The following GALNT16 variants were observed in gnomAD, a reference collection of about 807,000 sequenced individuals.
The protein encoded by GALNT16 is UDP-GalNAc:polypeptide N-acetylgalactosaminyltransferase-like protein 1.
Under a neutral mutation model 76.1 loss-of-function variants are expected in GALNT16, and 40 were observed. That is an observed-to-expected ratio of 0.53 (90% CI 0.41 to 0.68). The LOEUF (loss-of-function observed/expected upper bound fraction) is 0.68, where lower values mean the gene tolerates loss of function less well. Ranked by LOEUF, GALNT16 falls within the 30% of genes least tolerant of loss-of-function variation. GALNT16 has a pLI of 0.00. For missense variants in GALNT16, 621 were observed against 731.9 expected (o/e 0.85, Z 1.75); for synonymous variants, 276 against 285.2 (o/e 0.97, Z 0.32).
chr14:69,304,440 T>C (rs925928307), intron 1 of GALNT16, among the ~76,000 whole-genome samples: 1 of 152,228 alleles, frequency 6.6e-6, no homozygotes, highest in Non-Finnish European at 1.5e-5. Context: ...TGGTTTTTTC[T>C]TTTATATTAT....
chr14:69,322,975 TGTGTGTGCGCGCGC>T (rs2045219183), intron 2 of GALNT16, among the ~76,000 whole-genome samples: 1 of 44,296 alleles, frequency 2.3e-5, no homozygotes, highest in Admixed American at 2.4e-4. Context: ...TGTGTGTGTG[TGTGTGTGCGCGCGC>T]ACGCGCGCAC....
At chr14:69,298,202 G>A (rs2044795374) in intron 1 of GALNT16, among the ~76,000 whole-genome samples, 1 of 152,214 alleles carries the variant, frequency 6.6e-6, no homozygotes, top group Non-Finnish European at 1.5e-5. Context: ...CAACGTTGGG[G>A]CCTGCCAATG....
At chr14:69,311,916 T>C (rs1175261629) in intron 1 of GALNT16, among the ~76,000 whole-genome samples, 1 of 151,582 alleles carries the variant, frequency 6.6e-6, no homozygotes, top group Non-Finnish European at 1.5e-5. Flanking sequence ...CCCCTTAATA[T>C]GTTGGGGCAG....
chr14:69,378,693 ATTCCT>A, the GALNT16 span, among the ~76,000 whole-genome samples: 1 of 152,274 alleles, frequency 6.6e-6, no homozygotes, highest in Non-Finnish European at 1.5e-5. Context: ...ACTTTCTCAC[ATTCCT>A]TTCTCATATT....
intron 1 of GALNT16, among the ~76,000 whole-genome samples, chr14:69,273,986 A>C (rs1421545315): frequency 6.6e-6 from 1 of 152,188 alleles, no homozygotes; most frequent in African/African-American, 2.4e-5. Flanking sequence ...TTTGTTCAGG[A>C]TGCAGCATAG....
At chr14:69,380,686 G>T in the GALNT16 span, 1 of 1,123,178 alleles carries the variant, frequency 8.9e-7, no homozygotes, top group African/African-American at 1.5e-5. Flanking sequence ...GTCAATCACT[G>T]CCAGGTGTTT....
At chr14:69,305,146 T>C (rs1169642372) in intron 1 of GALNT16, among the ~76,000 whole-genome samples, 2 of 147,446 alleles carry the variant, frequency 1.4e-5, no homozygotes, top group Non-Finnish European at 3.0e-5. Flanking sequence ...TTTTTTTTTT[T>C]ATAATAACCA....
the GALNT16 span, among the ~76,000 whole-genome samples, chr14:69,362,164 AC>A: frequency 2.6e-5 from 4 of 152,112 alleles, no homozygotes; most frequent in Admixed American, 2.0e-4. Flanking sequence ...GGAGGGTGAG[AC>A]CCCTGACTGA....
chr14:69,269,377 G>T (rs1042819056), intron 1 of GALNT16, among the ~76,000 whole-genome samples: 2 of 68,312 alleles, frequency 2.9e-5, no homozygotes, highest in Non-Finnish European at 4.7e-5. Context: ...TATATGGGGC[G>T]CACGTGTGTG....
chr14:69,370,433 TGGA>T, the GALNT16 span, among the ~76,000 whole-genome samples: 1 of 152,220 alleles, frequency 6.6e-6, no homozygotes, highest in Non-Finnish European at 1.5e-5. Context: ...TAAAGCCCTA[TGGA>T]GGAGTAAGGA....
At chr14:69,344,353 A>T (rs536962467) in intron 12 of GALNT16, among the ~76,000 whole-genome samples, 1 of 152,380 alleles carries the variant, frequency 6.6e-6, no homozygotes, top group South Asian at 2.1e-4. Context: ...CATTCATGAC[A>T]CTAATTCCAA....
chr14:69,383,137 A>T, the GALNT16 span, among the ~76,000 whole-genome samples: 15 of 152,254 alleles, frequency 9.9e-5, no homozygotes, highest in Admixed American at 6.5e-4. Context: ...CATTATTTTC[A>T]TCTTACAAAA....
chr14:69,335,822 G>A (rs1594860056), intron 9 of GALNT16, among the ~76,000 whole-genome samples: 1 of 152,152 alleles, frequency 6.6e-6, no homozygotes, highest in Non-Finnish European at 1.5e-5. Context: ...ACCAAGACGT[G>A]TTCTTTTGTC....
rs778979808 is a variant in GALNT16 at position 69,352,124 on chromosome 14, G to T, written c.1633G>T (p.Ala545Ser). 1.2e-6 allele frequency: 2 copies of T among 1,613,882 alleles called. No individual in the cohort carries two copies. The highest frequency in any genetic ancestry group is 1.7e-6 in the Non-Finnish European group (2 of 1,179,798). ...CCAGCTGGTGACCAGCAAGTGTCAG[G>T]CTGACGCCCAGGCCCAGCAGTGGCA... ...PAQLVTSKCQ[A>S]DAQAQQWQLL... The change falls in exon 15 of 15, where the codon GCT becomes TCT. Residue 545 changes from alanine to serine, a missense_variant. By Grantham distance (99) the Ala-to-Ser change is moderately conservative. Transcript: ENST00000448469.
chr14:69,325,360 A>C lies in GALNT16; in HGVS notation c.458A>C (p.Asn153Thr), dbSNP rs758741153. ...VKSVLNRTPA[N>T]LIQEIILVDD... ...AGTGTCCTGAACCGAACTCCTGCCA[A>C]CTTGATCCAGGAGATCATTTTAGTG... is the stretch of plus-strand genomic sequence containing the variant. The change falls in exon 4 of 15, where the codon AAC becomes ACC. Residue 153 changes from asparagine (N) to threonine (T), a missense_variant. By Grantham distance (65) the Asn-to-Thr change is moderately conservative. Transcript: ENST00000448469. 1.2e-6 allele frequency: 2 copies of C among 1,605,120 alleles called. No homozygotes were observed. Among genetic ancestry groups the C allele is most frequent in the South Asian group, 2.2e-5 (2 of 90,906 alleles).
intron 12 of GALNT16, 91 bp from the exon 13 acceptor site, chr14:69,346,949 C>T (rs1221381649): frequency 3.3e-6 from 5 of 1,535,784 alleles, no homozygotes; most frequent in Non-Finnish European, 4.5e-6. Flanking sequence ...CCTCGGCGCT[C>T]CCAGAGCTGA....
At chr14:69,313,336 C>T (rs778179225) in intron 1 of GALNT16, among the ~76,000 whole-genome samples, 1 of 152,260 alleles carries the variant, frequency 6.6e-6, no homozygotes. Flanking sequence ...ACACTCCCTC[C>T]ATCCGCAGAT....
intron 11 of GALNT16, among the ~76,000 whole-genome samples, chr14:69,341,073 G>A (rs2045479806): frequency 6.6e-6 from 1 of 152,094 alleles, no homozygotes; most frequent in African/African-American, 2.4e-5. Context: ...CCTGCCCTGT[G>A]CTAAGTGCTT....
intron 1 of GALNT16, among the ~76,000 whole-genome samples, chr14:69,264,119 T>C (rs2044310604): frequency 6.6e-6 from 1 of 152,220 alleles, no homozygotes; most frequent in Non-Finnish European, 1.5e-5. Context: ...TTATATGGAA[T>C]TTCACTTTAC....
Sources: gnomAD v4.1 joint callset for allele counts (sites outside exome capture counted in the v4.1 genomes callset) on GRCh38, gnomAD v4.1.1 for gene constraint, MANE v1.5 for transcripts, NCBI Gene and HGNC (gene_info 2026-07-23, HGNC 2026-07-21) for gene names.